The following LMBRD1 variants were observed in gnomAD, a reference collection of about 807,000 sequenced individuals.
LMBRD1 encodes the protein LMBR1 domain containing 1, also known as lysosomal cobalamin transport escort protein LMBD1.
LMBRD1 carries 64 observed loss-of-function variants against 74.8 expected under a neutral mutation model. The observed-to-expected ratio is 0.86, with a 90% CI of 0.70 to 1.05. LMBRD1 has a LOEUF of 1.05. Ranked by LOEUF, LMBRD1 falls within the 50% of genes least tolerant of loss-of-function variation. The pLI is 0.00. For missense variants in LMBRD1, 652 were observed against 645.9 expected (o/e 1.01, Z -0.10); for synonymous variants, 204 against 216.3 (o/e 0.94, Z 0.50).
intron 5 of LMBRD1, among the ~76,000 whole-genome samples, chr6:69,744,441 CT>C (rs1767174021): frequency 6.6e-6 from 1 of 152,196 alleles, no homozygotes; most frequent in African/African-American, 2.4e-5. Context: ...TAAGATTATA[CT>C]TTTCCCTCAT....
chr6:69,683,192 C>T (rs760406165), intron 14 of LMBRD1, among the ~76,000 whole-genome samples: 16 of 151,996 alleles, frequency 1.1e-4, no homozygotes, highest in African/African-American at 3.4e-4. Context: ...ACTCAATTTT[C>T]CAGTCTGCAT....
At chr6:69,680,275 GC>G (rs1264156865) in intron 14 of LMBRD1, among the ~76,000 whole-genome samples, 1 of 152,042 alleles carries the variant, frequency 6.6e-6, no homozygotes, top group Non-Finnish European at 1.5e-5. Flanking sequence ...ACAAGTATAA[GC>G]CTGTGAAAAA....
Position 69,676,230 on chromosome 6 carries a change from C to G in LMBRD1, c.1551G>C (p.Lys517Asn). 6.2e-7 allele frequency: 1 copy of G among 1,613,426 alleles called. No individual in the cohort carries two copies. The highest frequency in any genetic ancestry group is 8.5e-7 in the Non-Finnish European group (1 of 1,179,686). ...CATCTACTCCTTCAATAACCGATTT[C>G]TTCCCTTTACAACAGGATACAATTA... ...IGLIVSCCKG[K>N]KSVIEGVDED... The change falls in exon 16 of 16, where the codon AAG becomes AAC. Residue 517 changes from lysine to asparagine, a missense_variant. Lys to Asn is a moderately conservative substitution (Grantham distance 94). Around this residue, in one of 3 missense-constraint regions of LMBRD1, gnomAD observed 51 missense variants for 46.9 expected, o/e 1.09. Transcript: ENST00000649934.
In LMBRD1 at chr6:69,796,868, C is replaced by T. The variant is rs1239799754; in HGVS notation, c.14G>A (p.Gly5Asp). 6.2e-7 allele frequency: 1 copy of T among 1,614,106 alleles called. No homozygotes were observed. The highest frequency in any genetic ancestry group is 8.5e-7 in the Non-Finnish European group (1 of 1,180,028). ...GATCACCAGCTCCGCCGAGGCCGCG[C>T]CAGAAGTCGCCATCTTCGCTTCCGG... MATS[G>D]AASAELVIGW... Residue 5 changes from glycine to aspartate, a missense_variant, in exon 1 of 16, where the codon GGC becomes GAC. Gly to Asp is a moderately conservative substitution (Grantham distance 94, BLOSUM62 -1). Coordinates refer to ENST00000649934, the MANE Select transcript of LMBRD1 (RefSeq NM_018368.4).
rs188245511 is a variant in LMBRD1 at position 69,739,292 on chromosome 6, C to T, written c.563-1277G>A. On this transcript the variant is annotated intron_variant, in intron 6 of 15. Transcript: ENST00000649934. The stretch of plus-strand genomic sequence containing the variant: ...AGTCAAAATCATCTGAACCAAATAA[C>T]TCAAAATTGATCATTATTAATTATT... Among the ~76,000 whole-genome samples the T allele has an allele frequency of 3.2e-3, 492 of 152,154 alleles. 7 individuals are homozygous for T. Among genetic ancestry groups the T allele is most frequent in the Middle Eastern group, 6.8e-3 (2 of 292 alleles).
chr6:69,724,348 T>TAA (rs60541159), intron 7 of LMBRD1, among the ~76,000 whole-genome samples: 31,221 of 121,566 alleles, frequency 0.26, 4,128 homozygotes, highest in East Asian at 0.39. Flanking sequence ...AAGACACATT[T>TAA]AAAAAAAAAA....
chr6:69,682,637 T>A lies in LMBRD1; in HGVS notation c.1418-6096A>T, dbSNP rs16867995. The stretch of plus-strand genomic sequence containing the variant: ...TGAACTCTAAATTACTGAGACTTAC[T>A]ATCTGCTGGTTGTAATTGTCCAAGG... On this transcript the variant is annotated intron_variant, in intron 14 of 15. Transcript: ENST00000649934. Among the ~76,000 whole-genome samples, 1,075 of 152,122 alleles carry A rather than the reference T, an allele frequency of 7.1e-3. 23 individuals are homozygous for A. The East Asian group carries it at 0.079, about 11-fold the overall frequency.
At position 69,796,979 on chromosome 6, in the gene LMBRD1, A is replaced by C; in HGVS notation, c.-98T>G. 1 of 1,023,896 alleles carries C rather than the reference A, an allele frequency of 9.8e-7. No individual in the cohort carries two copies. Among genetic ancestry groups the C allele is most frequent in the Non-Finnish European group, 1.5e-6 (1 of 672,008 alleles). 63.4% of individuals were successfully genotyped at this position (1,023,896 alleles called of 1,614,324 possible). A position where few individuals can be genotyped will look rare whatever the true frequency, so the allele number is the denominator to read the frequency against. On this transcript the variant is annotated 5_prime_UTR_variant, in exon 1 of 16. Transcript: ENST00000649934. ...AGATATACTGCACCCGCGCACCCTA[A>C]AGGTTAAAGGGGCGGAGGGGGAGGA...
intron 7 of LMBRD1, among the ~76,000 whole-genome samples, chr6:69,736,637 T>C (rs1766984436): frequency 6.6e-6 from 1 of 152,222 alleles, no homozygotes; most frequent in Non-Finnish European, 1.5e-5. Flanking sequence ...GATTGCTATA[T>C]CCTCATTTCT....
intron 7 of LMBRD1, among the ~76,000 whole-genome samples, chr6:69,733,316 C>T (rs1288752998): frequency 6.6e-6 from 1 of 152,140 alleles, no homozygotes; most frequent in African/African-American, 2.4e-5. Context: ...CAAGGTGCCA[C>T]AAGGAAAGTC....
chr6:69,705,475 T>C, intron 9 of LMBRD1: 1 of 1,280,446 alleles, frequency 7.8e-7, no homozygotes, highest in Non-Finnish European at 1.1e-6. Context: ...TTAGGAGATT[T>C]TTCCTGTTTT....
intron 6 of LMBRD1, among the ~76,000 whole-genome samples, chr6:69,739,904 G>A (rs1456716232): frequency 5.9e-5 from 9 of 152,136 alleles, no homozygotes; most frequent in Non-Finnish European, 1.0e-4. Context: ...TCAGGAGTTC[G>A]AGACCAGCCT....
intron 9 of LMBRD1, among the ~76,000 whole-genome samples, chr6:69,707,884 T>C (rs956894459): frequency 6.6e-6 from 1 of 152,126 alleles, no homozygotes; most frequent in Admixed American, 6.6e-5. Context: ...AGAAAATGAA[T>C]AGTGATGATG....
chr6:69,706,263 C>T, intron 9 of LMBRD1: 1 of 259,272 alleles, frequency 3.9e-6, no homozygotes, highest in Non-Finnish European at 7.6e-6. Flanking sequence ...AGGGACTGAT[C>T]TCTATTTTAA....
intron 3 of LMBRD1, among the ~76,000 whole-genome samples, chr6:69,754,284 T>C (rs1180557971): frequency 2.0e-5 from 3 of 149,996 alleles, no homozygotes; most frequent in Non-Finnish European, 4.5e-5. Flanking sequence ...GTTAAGATGG[T>C]AAAAAAAAAA....
At chr6:69,774,006 G>A (rs1460538526) in intron 3 of LMBRD1, among the ~76,000 whole-genome samples, 1 of 152,192 alleles carries the variant, frequency 6.6e-6, no homozygotes, top group Non-Finnish European at 1.5e-5. Context: ...GAAAACTAGT[G>A]TCAAGAGAAG....
At chr6:69,717,409 T>A (rs775384150) in intron 8 of LMBRD1, among the ~76,000 whole-genome samples, 7 of 152,208 alleles carry the variant, frequency 4.6e-5, no homozygotes, top group Non-Finnish European at 8.8e-5. Context: ...TTAATGGGAA[T>A]GTTTCTATTC....
At chr6:69,680,591 T>A (rs897844601) in intron 14 of LMBRD1, among the ~76,000 whole-genome samples, 6 of 152,140 alleles carry the variant, frequency 3.9e-5, no homozygotes, top group African/African-American at 1.4e-4. Flanking sequence ...TTTACCTTTT[T>A]AAAAGGTTGT....
At chr6:69,776,130 C>A (rs962807325) in intron 3 of LMBRD1, among the ~76,000 whole-genome samples, 3 of 152,232 alleles carry the variant, frequency 2.0e-5, no homozygotes, top group Non-Finnish European at 4.4e-5. Flanking sequence ...CAAATATTTT[C>A]CAAATGAATA....
Sources: allele counts gnomAD v4.1 joint callset (sites outside exome capture counted in the v4.1 genomes callset), GRCh38; gene constraint gnomAD v4.1.1; regional missense constraint gnomAD v4.1.1; transcripts MANE v1.5; gene names NCBI Gene and HGNC (gene_info 2026-07-23, HGNC 2026-07-21).